MAGI2: variants seen among roughly 807,000 people sequenced by gnomAD.
The protein encoded by MAGI2 is membrane associated guanylate kinase, WW and PDZ domain containing 2, also known as membrane-associated guanylate kinase, WW and PDZ domain-containing protein 2.
Under a neutral mutation model 133.3 loss-of-function variants are expected in MAGI2, and 35 were observed. The ratio of observed to expected loss-of-function variants is 0.26; its 90% CI spans 0.20 to 0.35. The LOEUF (loss-of-function observed/expected upper bound fraction) is 0.35. MAGI2 is among the 10% of genes least tolerant of loss of function. The probability of loss-of-function intolerance (pLI) is 1.00; values close to 1 mark genes in which losing one functional copy is unlikely to be tolerated. For synonymous variants in MAGI2, 729 were observed against 710.6 expected (o/e 1.03, Z -0.41); for missense variants, 1,636 against 1,863.4 (o/e 0.88, Z 2.25).
At chr7:78,322,919 C>T (rs1788160619) in intron 9 of MAGI2, among the ~76,000 whole-genome samples, 2 of 151,934 alleles carry the variant, frequency 1.3e-5, no homozygotes, top group Non-Finnish European at 2.9e-5. Context: ...TGGTATGACA[C>T]TGAAAGGTGA....
Position 78,557,097 on chromosome 7 carries a change from A to AAAAAAAG in MAGI2, c.539-35453_539-35452insCTTTTTT, listed in dbSNP as rs1554473311. Among the ~76,000 whole-genome samples, 124 of 138,994 alleles carry AAAAAAAG rather than the reference A, an allele frequency of 8.9e-4. 5 individuals carry two copies. In the East Asian group the frequency reaches 0.016, roughly 18 times the overall value. The allele number at this position is 138,994 out of a possible 152,430, so 91.2% of individuals were successfully genotyped here. A position where few individuals can be genotyped will look rare whatever the true frequency, so the allele number is the denominator to read the frequency against. Reference sequence around the variant, plus strand: ...CAGAGTCTCAAAAAAAAAAAAAAAAAAAAGAAAAAGAAAAAAAAAGAATTT... The same window carrying AAAAAAAG: ...CAGAGTCTCAAAAAAAAAAAAAAAAAAAAAAAGAAAGAAAAAGAAAAAAAAAGAATTT... On this transcript the variant is annotated intron_variant, in intron 3 of 21. Coordinates refer to ENST00000354212, the MANE Select transcript of MAGI2 (RefSeq NM_012301.4).
At chr7:79,164,159 T>C (rs1282185897) in intron 1 of MAGI2, among the ~76,000 whole-genome samples, 1 of 152,030 alleles carries the variant, frequency 6.6e-6, no homozygotes, top group Non-Finnish European at 1.5e-5. Context: ...GAGGGGAGAC[T>C]GAGGACTAAG....
At chr7:78,100,339 T>A (rs966250811) in intron 20 of MAGI2, among the ~76,000 whole-genome samples, 2 of 152,074 alleles carry the variant, frequency 1.3e-5, no homozygotes, top group Non-Finnish European at 2.9e-5. Flanking sequence ...TTGTTCCACA[T>A]CCTCCTTGGG....
intron 2 of MAGI2, among the ~76,000 whole-genome samples, chr7:78,829,152 T>C (rs560902262): frequency 2.6e-5 from 4 of 152,258 alleles, no homozygotes; most frequent in African/African-American, 9.6e-5. Context: ...TATAAAAATG[T>C]ACATTATTTG....
At chr7:79,391,562 T>TATATAG (rs1421027683) in intron 1 of MAGI2, among the ~76,000 whole-genome samples, 2 of 68,348 alleles carry the variant, frequency 2.9e-5, no homozygotes, top group Non-Finnish European at 5.2e-5. Flanking sequence ...TATATATATA[T>TATATAG]ACACACTTTA....
chr7:78,046,490 A>G (rs1811448935), intron 21 of MAGI2, among the ~76,000 whole-genome samples: 1 of 152,136 alleles, frequency 6.6e-6, no homozygotes, highest in African/African-American at 2.4e-5. Context: ...ACTGCTGACC[A>G]CACATGTTGA....
At chr7:79,192,267 T>C (rs935498171) in intron 1 of MAGI2, among the ~76,000 whole-genome samples, 1 of 151,910 alleles carries the variant, frequency 6.6e-6, no homozygotes, top group Non-Finnish European at 1.5e-5. Context: ...ATAAGTTTCA[T>C]GAAGTGTAGA....
chr7:79,342,666 T>A (rs146325549), intron 1 of MAGI2, among the ~76,000 whole-genome samples: 1 of 152,292 alleles, frequency 6.6e-6, no homozygotes, highest in East Asian at 1.9e-4. Context: ...AGGTTACTTG[T>A]TTATTTTACT....
intron 2 of MAGI2, among the ~76,000 whole-genome samples, chr7:78,713,129 T>A (rs1400841251): frequency 6.6e-6 from 1 of 152,196 alleles, no homozygotes; most frequent in Non-Finnish European, 1.5e-5. Flanking sequence ...GATTTTCTTA[T>A]TTTATAAACG....
chr7:78,596,224 G>T (rs1264585879), intron 3 of MAGI2, among the ~76,000 whole-genome samples: 1 of 148,802 alleles, frequency 6.7e-6, no homozygotes, highest in Admixed American at 6.7e-5. Flanking sequence ...AGGGAGGGAG[G>T]GAGGGAAGGA....
At chr7:78,368,607 G>A (rs1049277884) in intron 7 of MAGI2, among the ~76,000 whole-genome samples, 6 of 151,826 alleles carry the variant, frequency 4.0e-5, no homozygotes, top group Non-Finnish European at 5.9e-5. Flanking sequence ...TATTTGTTCC[G>A]AATAAAAGGA....
chr7:78,557,987 T>G (rs2362634), intron 3 of MAGI2, among the ~76,000 whole-genome samples: 1 of 151,326 alleles, frequency 6.6e-6, no homozygotes, highest in Non-Finnish European at 1.5e-5. Context: ...TTTTTTTTTT[T>G]AAAAAATAGT....
At chr7:78,918,935 G>A (rs764897502) in intron 2 of MAGI2, among the ~76,000 whole-genome samples, 1 of 151,996 alleles carries the variant, frequency 6.6e-6, no homozygotes, top group Non-Finnish European at 1.5e-5. Flanking sequence ...ATTTCAATTC[G>A]GCAAGAAAAA....
At chr7:78,761,516 AGT>A (rs1052085420) in intron 2 of MAGI2, among the ~76,000 whole-genome samples, 16 of 141,184 alleles carry the variant, frequency 1.1e-4, no homozygotes, top group Non-Finnish European at 1.7e-4. Context: ...CCCAGGCTGG[AGT>A]GTTGTGGTGT....
chr7:78,134,775 C>T, intron 17 of MAGI2: 3 of 382,888 alleles, frequency 7.8e-6, no homozygotes, highest in Non-Finnish European at 1.4e-5. Context: ...TTGGAATTCA[C>T]ACTATTTAGC....
chr7:78,892,621 C>CA (rs1325046959), intron 2 of MAGI2, among the ~76,000 whole-genome samples: 1 of 152,076 alleles, frequency 6.6e-6, no homozygotes, highest in Non-Finnish European at 1.5e-5. Flanking sequence ...CAAAAACAAG[C>CA]ATGGGGAAAG....
chr7:79,214,430 T>TAA (rs1829819274), intron 1 of MAGI2, among the ~76,000 whole-genome samples: 1 of 127,930 alleles, frequency 7.8e-6, no homozygotes, highest in Non-Finnish European at 1.6e-5. Flanking sequence ...TATATATATA[T>TAA]ATATATATAT....
chr7:78,937,663 G>A lies in MAGI2; in HGVS notation c.418+69427C>T, dbSNP rs116682095. Among the ~76,000 whole-genome samples the A allele has an allele frequency of 7.5e-3, 1,144 of 152,214 alleles. 21 individuals carry two copies. Among genetic ancestry groups the A allele is most frequent in the African/African-American group, 0.026 (1,091 of 41,564 alleles). On this transcript the variant is annotated intron_variant, in intron 2 of 21. Coordinates refer to ENST00000354212, the MANE Select transcript of MAGI2 (RefSeq NM_012301.4). Reference sequence around the variant, plus strand: ...AATGGGGAATTATCACAAGCCAGTGGAAAAGCAACAGATTATTTAGTAGTT... The same window carrying A: ...AATGGGGAATTATCACAAGCCAGTGAAAAAGCAACAGATTATTTAGTAGTT...
chr7:78,477,177 A>G (rs917459386), intron 6 of MAGI2, among the ~76,000 whole-genome samples: 2 of 151,888 alleles, frequency 1.3e-5, no homozygotes, highest in Non-Finnish European at 2.9e-5. Context: ...TTGTTGAGCA[A>G]ACCTAACCAC....
Sources: allele counts gnomAD v4.1 joint callset (sites outside exome capture counted in the v4.1 genomes callset), GRCh38; gene constraint gnomAD v4.1.1; transcripts MANE v1.5; gene names NCBI Gene and HGNC (gene_info 2026-07-23, HGNC 2026-07-21).